CACNA1C: variants seen among roughly 807,000 people sequenced by gnomAD.
CACNA1C encodes the protein voltage-dependent L-type calcium channel subunit alpha-1C.
A neutral mutation model predicts 229.0 loss-of-function variants in CACNA1C; 30 were observed. The ratio of observed to expected loss-of-function variants is 0.13; its 90% CI spans 0.10 to 0.18. The LOEUF (loss-of-function observed/expected upper bound fraction) is 0.18, where lower values mean the gene tolerates loss of function less well. Ranked by LOEUF, CACNA1C falls within the 10% of genes least tolerant of loss-of-function variation. The pLI is 1.00. For synonymous variants in CACNA1C, 1,114 were observed against 1,132.5 expected (o/e 0.98, Z 0.33); for missense variants, 1,658 against 2,845.0 (o/e 0.58, Z 9.49).
At chr12:2,311,320 T>C (rs1013533553) in intron 3 of CACNA1C, among the ~76,000 whole-genome samples, 2 of 152,216 alleles carry the variant, frequency 1.3e-5, no homozygotes, top group Non-Finnish European at 2.9e-5. Context: ...TAATTTGGAA[T>C]GTAAACATTG....
chr12:2,255,039 C>T (rs536897734), intron 3 of CACNA1C, among the ~76,000 whole-genome samples: 1 of 152,240 alleles, frequency 6.6e-6, no homozygotes, highest in Non-Finnish European at 1.5e-5. Context: ...ATTCCCCGCC[C>T]CTGTGAAGGG....
intron 3 of CACNA1C, among the ~76,000 whole-genome samples, chr12:2,199,316 T>G (rs1008545663): frequency 2.0e-5 from 3 of 152,160 alleles, no homozygotes; most frequent in African/African-American, 7.2e-5. Flanking sequence ...CTGCCACCCC[T>G]GAGATGGCAA....
At chr12:2,641,932 G>A (rs2093749478) in intron 30 of CACNA1C, among the ~76,000 whole-genome samples, 1 of 152,166 alleles carries the variant, frequency 6.6e-6, no homozygotes, top group South Asian at 2.1e-4. Flanking sequence ...ACCATCAGCA[G>A]TCCCCTGGGA....
intron 3 of CACNA1C, among the ~76,000 whole-genome samples, chr12:2,191,041 A>G (rs2238048): frequency 0.34 from 52,105 of 151,986 alleles, 9,412 homozygotes; most frequent in Non-Finnish European, 0.39. Context: ...AGTGTGGTCC[A>G]GTGCCGTGCC....
chr12:2,303,146 G>A (rs552574977), intron 3 of CACNA1C, among the ~76,000 whole-genome samples: 3 of 152,376 alleles, frequency 2.0e-5, no homozygotes, highest in African/African-American at 7.2e-5. Context: ...GTATGGACTC[G>A]TGAATGTGGC....
chr12:2,196,712 G>T (rs1175772201), intron 3 of CACNA1C, among the ~76,000 whole-genome samples: 1 of 152,220 alleles, frequency 6.6e-6, no homozygotes, highest in Non-Finnish European at 1.5e-5. Context: ...GTAAAAGACG[G>T]TTGCTTTATG....
At chr12:2,272,064 C>A (rs931047592) in intron 3 of CACNA1C, among the ~76,000 whole-genome samples, 1 of 152,128 alleles carries the variant, frequency 6.6e-6, no homozygotes, top group Non-Finnish European at 1.5e-5. Context: ...GGACTAGTAT[C>A]CCCCAGTGTT....
At chr12:2,059,023 C>T (rs2056394781) in intron 1 of CACNA1C, among the ~76,000 whole-genome samples, 1 of 152,132 alleles carries the variant, frequency 6.6e-6, no homozygotes, top group Non-Finnish European at 1.5e-5. Flanking sequence ...TTTATCATGG[C>T]AGGAAGGGAA....
chr12:2,066,995 C>T (rs887320966), intron 1 of CACNA1C, among the ~76,000 whole-genome samples: 1 of 152,092 alleles, frequency 6.6e-6, no homozygotes, highest in African/African-American at 2.4e-5. Flanking sequence ...CAAAGAAATC[C>T]ACAAGGGTGC....
intron 3 of CACNA1C, among the ~76,000 whole-genome samples, chr12:2,400,346 G>A (rs1236335509): frequency 6.6e-6 from 1 of 152,140 alleles, no homozygotes; most frequent in Non-Finnish European, 1.5e-5. Flanking sequence ...TCATTGTGAA[G>A]TGGACTCCAG....
At chr12:2,039,307 G>A (rs908466263) in intron 1 of CACNA1C, among the ~76,000 whole-genome samples, 1 of 152,194 alleles carries the variant, frequency 6.6e-6, no homozygotes. Flanking sequence ...CTCAAGAGCA[G>A]CCTTTCATGT....
rs544879523 is a variant in CACNA1C at position 2,647,874 on chromosome 12, G to C, written c.3913-601G>C. Reference sequence around the variant, plus strand: ...ACAGTGGCTTACACCGGTAATCCCAGTACTTTGGGAGGCCAAGGCAGGAGG... The same window carrying C: ...ACAGTGGCTTACACCGGTAATCCCACTACTTTGGGAGGCCAAGGCAGGAGG... On this transcript the variant is annotated intron_variant, in intron 30 of 46. Transcript: ENST00000399655. The surrounding 1 kb of genome is among the most constrained non-coding windows in gnomAD (Gnocchi z 4.2). 3.9e-4 allele frequency among the ~76,000 whole-genome samples: 59 copies of C among 152,300 alleles called. No homozygotes were observed. The highest frequency in any genetic ancestry group is 1.4e-3 in the African/African-American group (58 of 41,552).
intron 3 of CACNA1C, among the ~76,000 whole-genome samples, chr12:2,344,912 C>T (rs750648772): frequency 2.0e-5 from 3 of 151,790 alleles, no homozygotes; most frequent in Non-Finnish European, 2.9e-5. Flanking sequence ...GAAATATTTA[C>T]TTTCTTGAGC....
chr12:2,323,632 C>T (rs998252034), intron 3 of CACNA1C, among the ~76,000 whole-genome samples: 5 of 152,216 alleles, frequency 3.3e-5, no homozygotes, highest in African/African-American at 1.2e-4. Flanking sequence ...AAAAACCAGA[C>T]CTGAGGCAGC....
intron 3 of CACNA1C, among the ~76,000 whole-genome samples, chr12:2,235,812 C>A (rs1335134625): frequency 2.0e-5 from 3 of 152,110 alleles, no homozygotes; most frequent in Non-Finnish European, 4.4e-5. Flanking sequence ...GGAATGACTC[C>A]CAGGTTCCAT....
intron 1 of CACNA1C, among the ~76,000 whole-genome samples, chr12:2,095,916 T>G (rs1396844258): frequency 6.6e-6 from 1 of 152,210 alleles, no homozygotes; most frequent in Non-Finnish European, 1.5e-5. Flanking sequence ...GAATAATGTC[T>G]TTTGTCTCCT....
chr12:2,454,915 G>A (rs909824546), intron 4 of CACNA1C, among the ~76,000 whole-genome samples: 1 of 152,204 alleles, frequency 6.6e-6, no homozygotes, highest in Non-Finnish European at 1.5e-5. Flanking sequence ...TGCTGACAAT[G>A]CGCCTTCTCA....
At chr12:2,576,067 A>C (rs1396899953) in intron 13 of CACNA1C, among the ~76,000 whole-genome samples, 1 of 152,210 alleles carries the variant, frequency 6.6e-6, no homozygotes, top group Non-Finnish European at 1.5e-5. Context: ...GGTGGTCGGC[A>C]AGTGAGAGAG....
At chr12:2,604,473 A>C (rs906081015) in intron 22 of CACNA1C, among the ~76,000 whole-genome samples, 1 of 152,100 alleles carries the variant, frequency 6.6e-6, no homozygotes, top group Admixed American at 6.5e-5. Context: ...TCTCCTCCCC[A>C]TGACATCACC....
Sources: gnomAD v4.1 joint callset for allele counts (sites outside exome capture counted in the v4.1 genomes callset) on GRCh38, gnomAD v4.1.1 for gene constraint, Gnocchi (gnomAD v3.1) non-coding constraint, MANE v1.5 for transcripts, NCBI Gene and HGNC (gene_info 2026-07-23, HGNC 2026-07-21) for gene names.